ERBB4: variants seen among roughly 807,000 people sequenced by gnomAD.
ERBB4 encodes erb-b2 receptor tyrosine kinase 4.
Under a neutral mutation model 158.0 loss-of-function variants are expected in ERBB4, and 42 were observed. The observed-to-expected ratio is 0.27, with a 90% CI of 0.21 to 0.34. The LOEUF (loss-of-function observed/expected upper bound fraction) is 0.34, where lower values mean the gene tolerates loss of function less well. Ranked by LOEUF, ERBB4 falls within the 10% of genes least tolerant of loss-of-function variation. The pLI is 1.00. For missense variants in ERBB4, 1,333 were observed against 1,624.1 expected, an observed-to-expected ratio of 0.82 and a Z score of 3.08; for synonymous variants, 583 against 558.7, an observed-to-expected ratio of 1.04 and a Z score of -0.61.
chr2:212,527,706 ATTTAT>A (rs1692525171), intron 1 of ERBB4, among the ~76,000 whole-genome samples: 1 of 151,552 alleles, frequency 6.6e-6, no homozygotes, highest in Non-Finnish European at 1.5e-5. Flanking sequence ...TTATTTATTT[ATTTAT>A]TTATTATTAT....
chr2:211,885,248 T>C (rs1256331562), intron 3 of ERBB4, among the ~76,000 whole-genome samples: 1 of 152,158 alleles, frequency 6.6e-6, no homozygotes, highest in Non-Finnish European at 1.5e-5. Flanking sequence ...ACTCATGTTT[T>C]ATAATAGAGA....
intron 2 of ERBB4, among the ~76,000 whole-genome samples, chr2:212,078,384 C>T (rs192174681): frequency 1.3e-4 from 20 of 151,796 alleles, no homozygotes; most frequent in East Asian, 1.2e-3. Context: ...TTTCAAAATA[C>T]GGACAGCTAT....
At chr2:212,033,146 GTCTACTCAGAAA>G (rs2076939795) in intron 2 of ERBB4, among the ~76,000 whole-genome samples, 1 of 151,916 alleles carries the variant, frequency 6.6e-6, no homozygotes, top group Non-Finnish European at 1.5e-5. Context: ...TACCATTTTA[GTCTACTCAGAAA>G]TCTATAATAA....
At chr2:211,969,699 T>A (rs931352488) in intron 2 of ERBB4, among the ~76,000 whole-genome samples, 6 of 151,956 alleles carry the variant, frequency 3.9e-5, no homozygotes, top group African/African-American at 7.2e-5. Flanking sequence ...ATTTGCATTT[T>A]AAAAAACCAT....
chr2:211,799,944 G>T (rs1202379427), intron 3 of ERBB4, among the ~76,000 whole-genome samples: 2 of 152,054 alleles, frequency 1.3e-5, no homozygotes, highest in South Asian at 2.1e-4. Flanking sequence ...TTGTGCATTT[G>T]CTCATTTAAA....
chr2:211,881,811 A>G (rs371669853), intron 3 of ERBB4, among the ~76,000 whole-genome samples: 1 of 152,242 alleles, frequency 6.6e-6, no homozygotes, highest in African/African-American at 2.4e-5. Flanking sequence ...TCCACTGTTA[A>G]GCTCACTCTT....
intron 3 of ERBB4, among the ~76,000 whole-genome samples, chr2:211,856,910 A>G (rs2077880685): frequency 1.3e-5 from 2 of 152,192 alleles, no homozygotes; most frequent in Admixed American, 1.3e-4. Flanking sequence ...TTGGTGTTGT[A>G]CAATCAACAG....
In ERBB4 at chr2:212,186,072, T is replaced by G. The variant is rs767822437; in HGVS notation, c.83-61169A>C. Among the ~76,000 whole-genome samples, 5 of 152,192 alleles carry G rather than the reference T, an allele frequency of 3.3e-5. 1 individual carries two copies. Among genetic ancestry groups the G allele is most frequent in the Non-Finnish European group, 7.4e-5 (5 of 68,014 alleles). On this transcript the variant is annotated intron_variant, in intron 1 of 27. Coordinates refer to ENST00000342788, the MANE Select transcript of ERBB4 (RefSeq NM_005235.3). ...ACATTGTTTTTAATTGTCTGTCACC[T>G]AACAAAACCCAAGGCATTTTGAAGT...
intron 2 of ERBB4, among the ~76,000 whole-genome samples, chr2:212,010,221 C>G (rs747884426): frequency 6.6e-6 from 1 of 152,154 alleles, no homozygotes. Context: ...TAGACTATGA[C>G]TCTCTTGAAG....
intron 1 of ERBB4, among the ~76,000 whole-genome samples, chr2:212,371,965 G>A (rs2090103270): frequency 6.6e-6 from 1 of 152,096 alleles, no homozygotes; most frequent in African/African-American, 2.4e-5. Flanking sequence ...TGTAAAGATG[G>A]CAATAGTATA....
At chr2:211,829,589 A>G (rs2077176015) in intron 3 of ERBB4, among the ~76,000 whole-genome samples, 1 of 152,134 alleles carries the variant, frequency 6.6e-6, no homozygotes, top group Non-Finnish European at 1.5e-5. Context: ...GCTAGGACAT[A>G]CTTTTTAAAG....
chr2:212,170,992 A>T (rs1465360281), intron 1 of ERBB4, among the ~76,000 whole-genome samples: 1 of 152,064 alleles, frequency 6.6e-6, no homozygotes, highest in Non-Finnish European at 1.5e-5. Context: ...AGAATGATAG[A>T]TCCACCAACA....
chr2:212,413,937 C>T (rs1485886835), intron 1 of ERBB4, among the ~76,000 whole-genome samples: 2 of 152,110 alleles, frequency 1.3e-5, no homozygotes, highest in Non-Finnish European at 2.9e-5. Flanking sequence ...GGTATATTTA[C>T]TTAATCTTCA....
chr2:212,389,185 T>A (rs1285627534), intron 1 of ERBB4, among the ~76,000 whole-genome samples: 4 of 152,074 alleles, frequency 2.6e-5, no homozygotes, highest in Admixed American at 1.3e-4. Context: ...TTTTGGTAAA[T>A]GTGATGTAGT....
intron 1 of ERBB4, among the ~76,000 whole-genome samples, chr2:212,131,180 C>T (rs2080096072): frequency 6.6e-6 from 1 of 152,162 alleles, no homozygotes; most frequent in Non-Finnish European, 1.5e-5. Context: ...GTCACTTCCA[C>T]TGCTATAGTC....
rs1381070419 is a variant in ERBB4, at chr2:212,537,165, A to C, written c.82+1284T>G. 3.9e-5 allele frequency among the ~76,000 whole-genome samples: 5 copies of C among 127,444 alleles called. No homozygotes were observed. The South Asian group carries it at 9.8e-4, about 25-fold the overall frequency. 83.6% of individuals were successfully genotyped at this position (127,444 alleles called of 152,430 possible). The stretch of plus-strand genomic sequence containing the variant: ...GCGGCGGCGGCGGCGGAGCGGGAAA[A>C]CTACAGCTAGCCGTTTTCTTGGTGA... On this transcript the variant is annotated intron_variant, in intron 1 of 27. Transcript: ENST00000342788.
At chr2:211,742,250 C>T (rs2074824889) in intron 5 of ERBB4, among the ~76,000 whole-genome samples, 2 of 152,160 alleles carry the variant, frequency 1.3e-5, no homozygotes, top group African/African-American at 4.8e-5. Flanking sequence ...TTTTAAACAA[C>T]ATTTGTTCCA....
chr2:212,233,475 T>C (rs2083738210), intron 1 of ERBB4, among the ~76,000 whole-genome samples: 1 of 152,156 alleles, frequency 6.6e-6, no homozygotes, highest in African/African-American at 2.4e-5. Flanking sequence ...AATGGATATG[T>C]TTTTACTGAG....
chr2:211,621,227 A>G (rs923215979), intron 18 of ERBB4, among the ~76,000 whole-genome samples: 2 of 151,908 alleles, frequency 1.3e-5, no homozygotes, highest in Admixed American at 6.6e-5. Context: ...TCATTATTTC[A>G]TTCATTATTT....
Sources: gnomAD v4.1 joint callset for allele counts (sites outside exome capture counted in the v4.1 genomes callset) on GRCh38, gnomAD v4.1.1 for gene constraint, MANE v1.5 for transcripts, NCBI Gene and HGNC (gene_info 2026-07-23, HGNC 2026-07-21) for gene names.